Variants in CDH8 observed in about 807,000 individuals in gnomAD.
The protein encoded by CDH8 is cadherin 8, also known as cadherin-8.
In CDH8, 17 loss-of-function variants were observed where a neutral mutation model predicts 68.1. The ratio of observed to expected loss-of-function variants is 0.25; its 90% CI spans 0.17 to 0.37. The LOEUF (loss-of-function observed/expected upper bound fraction) is 0.37. Among genes scored for constraint, CDH8 ranks in the 10% least tolerant of loss-of-function variants. CDH8 has a pLI of 1.00. For missense variants in CDH8, 763 were observed against 999.3 expected, an observed-to-expected ratio of 0.76 and a Z score of 3.19; for synonymous variants, 372 against 365.1, an observed-to-expected ratio of 1.02 and a Z score of -0.21.
intron 1 of CDH8, among the ~76,000 whole-genome samples, chr16:62,030,891 T>C (rs1305699772): frequency 6.6e-6 from 1 of 152,102 alleles, no homozygotes; most frequent in African/African-American, 2.4e-5. Flanking sequence ...CAGAAGAGTA[T>C]GGAATTGTCT....
At position 61,652,783 on chromosome 16, in the gene CDH8, A is replaced by C; in HGVS notation, c.*825T>G. The C allele has an allele frequency of 7.5e-7, 1 of 1,339,328 alleles. No individual in the cohort carries two copies. Among genetic ancestry groups the C allele is most frequent in the Non-Finnish European group, 9.6e-7 (1 of 1,043,676 alleles). The allele number at this position is 1,339,328 out of a possible 1,614,324, so 83.0% of individuals were successfully genotyped here. A position where few individuals can be genotyped will look rare whatever the true frequency, so the allele number is the denominator to read the frequency against. ...TATTTATTTCGAGGATTAAACAAATAAATTCACGCGCTAGCAATAAAACCA... is the reference window on the plus strand; with the variant it reads ...TATTTATTTCGAGGATTAAACAAATCAATTCACGCGCTAGCAATAAAACCA... On this transcript the variant is annotated 3_prime_UTR_variant, in exon 12 of 12. Transcript: ENST00000577390.
intron 2 of CDH8, among the ~76,000 whole-genome samples, chr16:61,997,300 A>G (rs1396226854): frequency 6.6e-6 from 1 of 152,126 alleles, no homozygotes; most frequent in African/African-American, 2.4e-5. Context: ...ATTTCTTTGA[A>G]GCCCTGCCTG....
chr16:61,769,910 C>G (rs913129398), intron 8 of CDH8, among the ~76,000 whole-genome samples: 1 of 151,766 alleles, frequency 6.6e-6, no homozygotes. Context: ...TGTGTATTAT[C>G]TAATATAGGA....
At chr16:61,694,804 C>G (rs1346669194) in intron 10 of CDH8, among the ~76,000 whole-genome samples, 1 of 151,980 alleles carries the variant, frequency 6.6e-6, no homozygotes, top group Non-Finnish European at 1.5e-5. Context: ...GGTTTTGAGA[C>G]AGAGTCTCGC....
rs528791723 is a variant in CDH8, at chr16:61,875,163, T to A, written c.548-17925A>T. ...TATATCATGCAGCTTCTGCATTTAATTCCTTAATATGTCAACATTACTTTT... is the reference window on the plus strand; with the variant it reads ...TATATCATGCAGCTTCTGCATTTAAATCCTTAATATGTCAACATTACTTTT... On this transcript the variant is annotated intron_variant, in intron 3 of 11. Coordinates refer to ENST00000577390, the MANE Select transcript of CDH8 (RefSeq NM_001796.5). Among the ~76,000 whole-genome samples the A allele has an allele frequency of 2.4e-4, 37 of 152,270 alleles. 1 individual carries two copies. In the Middle Eastern group the frequency reaches 0.024, roughly 98 times the overall value.
At chr16:61,735,559 A>G (rs1360438846) in intron 8 of CDH8, among the ~76,000 whole-genome samples, 1 of 151,994 alleles carries the variant, frequency 6.6e-6, no homozygotes, top group Non-Finnish European at 1.5e-5. Flanking sequence ...ATATATGTCC[A>G]GTTAAGATGA....
chr16:61,968,910 TC>T (rs1453394637), intron 2 of CDH8, among the ~76,000 whole-genome samples: 1 of 152,164 alleles, frequency 6.6e-6, no homozygotes, highest in Non-Finnish European at 1.5e-5. Flanking sequence ...TCTCCACTGC[TC>T]CCAGAAAGGG....
intron 8 of CDH8, among the ~76,000 whole-genome samples, chr16:61,766,340 T>C (rs894436688): frequency 2.0e-5 from 3 of 152,038 alleles, no homozygotes; most frequent in Admixed American, 1.3e-4. Flanking sequence ...GGCTGAGTAG[T>C]ATTCCATGGT....
chr16:61,773,469 AT>A (rs1372739038), intron 8 of CDH8, among the ~76,000 whole-genome samples: 1 of 152,106 alleles, frequency 6.6e-6, no homozygotes, highest in Non-Finnish European at 1.5e-5. Flanking sequence ...CTGTACTGGT[AT>A]TTGTGTATTG....
At chr16:61,681,181 T>C (rs1173770778) in intron 10 of CDH8, among the ~76,000 whole-genome samples, 3 of 151,852 alleles carry the variant, frequency 2.0e-5, no homozygotes, top group South Asian at 2.1e-4. Context: ...GAGCTATCTA[T>C]GCAAGATAAA....
chr16:61,878,072 A>AT (rs1388480762), intron 3 of CDH8, among the ~76,000 whole-genome samples: 1 of 152,190 alleles, frequency 6.6e-6, no homozygotes, highest in East Asian at 1.9e-4. Context: ...AAATATTAGA[A>AT]GAGTTTGAAC....
At chr16:61,995,096 C>G (rs182666251) in intron 2 of CDH8, among the ~76,000 whole-genome samples, 1 of 152,086 alleles carries the variant, frequency 6.6e-6, no homozygotes, top group African/African-American at 2.4e-5. Flanking sequence ...CCAAGGTACT[C>G]GCAGGTAAAA....
At chr16:61,854,799 A>G (rs1483178348) in intron 4 of CDH8, among the ~76,000 whole-genome samples, 1 of 152,074 alleles carries the variant, frequency 6.6e-6, no homozygotes, top group African/African-American at 2.4e-5. Context: ...ACACACACAC[A>G]TTTTATCAGT....
At chr16:61,879,188 T>TA (rs1963522247) in intron 3 of CDH8, among the ~76,000 whole-genome samples, 5 of 147,900 alleles carry the variant, frequency 3.4e-5, no homozygotes, top group Non-Finnish European at 7.5e-5. Flanking sequence ...TGACAACAAT[T>TA]TAAAAAAAAT....
intron 10 of CDH8, among the ~76,000 whole-genome samples, chr16:61,705,186 T>C (rs1286648685): frequency 1.3e-5 from 2 of 152,150 alleles, no homozygotes; most frequent in African/African-American, 4.8e-5. Context: ...ACAGATAGAA[T>C]AGGCAACAGA....
chr16:61,657,120 A>T (rs1028195696), intron 10 of CDH8, among the ~76,000 whole-genome samples: 1 of 151,800 alleles, frequency 6.6e-6, no homozygotes, highest in Non-Finnish European at 1.5e-5. Flanking sequence ...TAATCATTGC[A>T]TGTAATAGTA....
At chr16:61,738,733 G>A (rs1959777891) in intron 8 of CDH8, among the ~76,000 whole-genome samples, 1 of 151,964 alleles carries the variant, frequency 6.6e-6, no homozygotes, top group African/African-American at 2.4e-5. Flanking sequence ...AATTATTTAA[G>A]TATGCTTACA....
chr16:61,990,967 G>GAA, intron 2 of CDH8, among the ~76,000 whole-genome samples: 1 of 150,202 alleles, frequency 6.7e-6, no homozygotes, highest in South Asian at 2.1e-4. Context: ...AAGAAAGAAA[G>GAA]AAAGAGAAAG....
chr16:61,690,112 G>T (rs2142827911), intron 10 of CDH8, among the ~76,000 whole-genome samples: 1 of 152,090 alleles, frequency 6.6e-6, no homozygotes. Context: ...AGTCCTAGGG[G>T]ATTTATACTG....
Sources: gnomAD v4.1 joint callset for allele counts (sites outside exome capture counted in the v4.1 genomes callset) on GRCh38, gnomAD v4.1.1 for gene constraint, MANE v1.5 for transcripts, NCBI Gene and HGNC (gene_info 2026-07-23, HGNC 2026-07-21) for gene names.